The following KDM1A variants were observed in gnomAD, a reference collection of about 807,000 sequenced individuals.
The protein encoded by KDM1A is lysine-specific histone demethylase 1A.
KDM1A carries 49 observed loss-of-function variants against 109.4 expected under a neutral mutation model. That is an observed-to-expected ratio of 0.45 (90% CI 0.36 to 0.57). KDM1A has a LOEUF of 0.57. KDM1A is among the 20% of genes least tolerant of loss of function. The probability of loss-of-function intolerance (pLI) is 0.00; values close to 1 mark genes in which losing one functional copy is unlikely to be tolerated. For synonymous variants in KDM1A, 380 were observed against 415.4 expected (o/e 0.91, Z 1.04); for missense variants, 668 against 1,116.6 (o/e 0.60, Z 5.73).
intron 8 of KDM1A, 55 bp from the exon 9 acceptor site, chr1:23,059,018 T>A: frequency 9.3e-7 from 1 of 1,079,316 alleles, no homozygotes; most frequent in Non-Finnish European, 1.3e-6. Flanking sequence ...TACTTTAAGG[T>A]TTTTGTTCTC....
chr1:23,032,623 A>G (rs552206799), intron 2 of KDM1A, among the ~76,000 whole-genome samples: 2 of 152,248 alleles, frequency 1.3e-5, no homozygotes, highest in South Asian at 4.1e-4. Flanking sequence ...TCTTCCTTTA[A>G]AACAACTTAA....
chr1:23,080,216 A>T, intron 18 of KDM1A, among the ~76,000 whole-genome samples: 1 of 152,204 alleles, frequency 6.6e-6, no homozygotes, highest in South Asian at 2.1e-4. Context: ...CCCCATCCCC[A>T]GTTCTTTCCA....
chr1:23,075,156 G>A (rs1643426550), intron 15 of KDM1A, among the ~76,000 whole-genome samples: 1 of 152,164 alleles, frequency 6.6e-6, no homozygotes, highest in South Asian at 2.1e-4. Flanking sequence ...TTTCGTTTAT[G>A]TCAGTGATGT....
intron 7 of KDM1A, among the ~76,000 whole-genome samples, chr1:23,057,233 ACAT>A (rs1469590635): frequency 6.6e-6 from 1 of 152,188 alleles, no homozygotes; most frequent in Non-Finnish European, 1.5e-5. Flanking sequence ...GTTTTATATC[ACAT>A]CATTTAATTC....
At chr1:23,044,070 C>T (rs1642432699) in intron 2 of KDM1A, among the ~76,000 whole-genome samples, 1 of 152,100 alleles carries the variant, frequency 6.6e-6, no homozygotes, top group Admixed American at 6.5e-5. Flanking sequence ...GAGTCTATGT[C>T]AGCTCCATTT....
chr1:23,083,436 C>G lies in KDM1A; in HGVS notation c.*72C>G. ...TGTAAGGAAGGCTCTTCTAGCAATA[C>G]TAGATCCCACTGAGAAAATCCACCC... On this transcript the variant is annotated 3_prime_UTR_variant, in exon 21 of 21. Transcript: ENST00000400181. 1 of 1,418,768 alleles carries G rather than the reference C, an allele frequency of 7.0e-7. No individual in the cohort carries two copies. Among genetic ancestry groups the G allele is most frequent in the Non-Finnish European group, 9.5e-7 (1 of 1,057,792 alleles). The allele number at this position is 1,418,768 out of a possible 1,614,324, so 87.9% of individuals were successfully genotyped here.
chr1:23,031,924 T>C (rs935821829), intron 2 of KDM1A, among the ~76,000 whole-genome samples: 2 of 152,214 alleles, frequency 1.3e-5, no homozygotes, highest in African/African-American at 2.4e-5. Context: ...TTGGGGCTAA[T>C]GTCCCAGGCA....
At chr1:23,029,416 T>G (rs1226077285) in intron 1 of KDM1A, among the ~76,000 whole-genome samples, 1 of 152,192 alleles carries the variant, frequency 6.6e-6, no homozygotes, top group African/African-American at 2.4e-5. Context: ...TTGAGAATGT[T>G]CCAATTTTGA....
At position 23,019,534 on chromosome 1, in the gene KDM1A, T is replaced by C; in HGVS notation, c.-63T>C. The C allele has an allele frequency of 7.5e-7, 1 of 1,336,400 alleles. No homozygotes were observed. The highest frequency in any genetic ancestry group is 2.1e-5 in the South Asian group (1 of 46,520). The allele number at this position is 1,336,400 out of a possible 1,614,324, so 82.8% of individuals were successfully genotyped here. A position where few individuals can be genotyped will look rare whatever the true frequency, so the allele number is the denominator to read the frequency against. ...CGTGAAGCGAGGCGAGGCAAGGCTT[T>C]TCGGACCCACGGAGCGACAGAGCGA... On this transcript the variant is annotated 5_prime_UTR_variant, in exon 1 of 21. Transcript: ENST00000400181.
chr1:23,025,329 ATTT>A (rs35274209), intron 1 of KDM1A, among the ~76,000 whole-genome samples: 17 of 128,926 alleles, frequency 1.3e-4, no homozygotes, highest in African/African-American at 1.1e-4. Flanking sequence ...AAGATGAAAG[ATTT>A]TTTTTTTTTT....
At chr1:23,019,985 T>C in intron 1 of KDM1A, 38 bp downstream of exon 1, 1 of 1,445,204 alleles carries the variant, frequency 6.9e-7, no homozygotes, top group African/African-American at 1.5e-5. Flanking sequence ...CACCGCCTGG[T>C]GCCGAGCTTC....
At chr1:23,043,487 A>G (rs552613410) in intron 2 of KDM1A, among the ~76,000 whole-genome samples, 4 of 152,200 alleles carry the variant, frequency 2.6e-5, no homozygotes, top group Admixed American at 6.5e-5. Flanking sequence ...CGTATTTTAA[A>G]ATAAACTTTA....
At position 23,050,434 on chromosome 1, in the gene KDM1A, A is replaced by C; in HGVS notation, c.625A>C (p.Thr209Pro). Residue 209 changes from threonine to proline, a missense_variant, in exon 4 of 21, where the codon ACT becomes CCT. By Grantham distance (38) the Thr-to-Pro change is conservative. Transcript: ENST00000400181. ...FQSRLPHDRMTSQEAACFPDI... is the reference protein window; with the variant it reads ...FQSRLPHDRMPSQEAACFPDI... Reference sequence around the variant, plus strand: ...GAGCCGACTTCCTCATGACCGGATGACTTCTCAAGAAGCAGCCTGTTTTCC... The same window carrying C: ...GAGCCGACTTCCTCATGACCGGATGCCTTCTCAAGAAGCAGCCTGTTTTCC... The C allele has an allele frequency of 1.9e-6, 3 of 1,613,664 alleles. No homozygotes were observed. The highest frequency in any genetic ancestry group is 2.5e-6 in the Non-Finnish European group (3 of 1,179,768).
chr1:23,049,366 G>A (rs1642595318), intron 3 of KDM1A, among the ~76,000 whole-genome samples: 1 of 151,888 alleles, frequency 6.6e-6, no homozygotes, highest in African/African-American at 2.4e-5. Context: ...TAATAAAGGT[G>A]TACTTATCCA....
Position 23,071,254 on chromosome 1 carries a change from A to C in KDM1A, c.1443A>C (p.Glu481Asp), listed in dbSNP as rs1443198572. ...KMVNLKEKIK[E>D]LHQQYKEASE... ...TAAATTTGAAAGAGAAAATTAAAGAACTCCATCAGCAATACAAAGAAGCAT... is the reference window on the plus strand; with the variant it reads ...TAAATTTGAAAGAGAAAATTAAAGACCTCCATCAGCAATACAAAGAAGCAT... Residue 481 changes from glutamate (E) to aspartate (D), a missense_variant, in exon 13 of 21, where the codon GAA (glutamate) becomes GAC (aspartate). By Grantham distance (45) the Glu-to-Asp change is conservative (BLOSUM62 2). Around this residue, in one of 8 missense-constraint regions of KDM1A, gnomAD observed 62 missense variants for 82.8 expected, o/e 0.75. Transcript: ENST00000400181. 6.3e-7 allele frequency: 1 copy of C among 1,599,036 alleles called. No homozygotes were observed. Among genetic ancestry groups the C allele is most frequent in the Non-Finnish European group, 8.5e-7 (1 of 1,175,190 alleles).
chr1:23,073,337 T>C lies in KDM1A; in HGVS notation c.1668T>C (p.His556=). The C allele has an allele frequency of 6.2e-7, 1 of 1,612,422 alleles. No homozygotes were observed. The highest frequency in any genetic ancestry group is 1.1e-5 in the South Asian group (1 of 91,056). Residue 556 remains histidine, a synonymous_variant, in exon 15 of 21, where the codon CAT becomes CAC. Coordinates refer to ENST00000400181, the MANE Select transcript of KDM1A (RefSeq NM_001009999.3). ...GAGACAGACAAATACTTGATTGGCA[T>C]TTTGCAAATCTTGAATTTGCTAATG... ...SSRDRQILDW[H]FANLEFANAT... is the part of the protein sequence containing the mutation.
intron 4 of KDM1A, 134 bp downstream of exon 4, chr1:23,050,654 CTT>C (rs1642641503): frequency 2.8e-5 from 19 of 684,992 alleles, no homozygotes; most frequent in Non-Finnish European, 4.0e-5. Flanking sequence ...CAGAGATAAC[CTT>C]TGTTAATAGT....
chr1:23,051,034 G>A (rs746909116), intron 4 of KDM1A, among the ~76,000 whole-genome samples: 16 of 152,096 alleles, frequency 1.1e-4, no homozygotes, highest in African/African-American at 3.1e-4. Flanking sequence ...GCAGTGAGCC[G>A]AGATCGTGCC....
chr1:23,034,399 C>T (rs905966266), intron 2 of KDM1A, among the ~76,000 whole-genome samples: 9 of 152,020 alleles, frequency 5.9e-5, no homozygotes, highest in Admixed American at 2.0e-4. Context: ...AATAGTGGAG[C>T]GTTTATGAAA....
Sources: allele counts gnomAD v4.1 joint callset (sites outside exome capture counted in the v4.1 genomes callset), GRCh38; gene constraint gnomAD v4.1.1; regional missense constraint gnomAD v4.1.1; transcripts MANE v1.5; gene names NCBI Gene and HGNC (gene_info 2026-07-23, HGNC 2026-07-21).